The following CHD9 variants were observed in gnomAD, a reference collection of about 807,000 sequenced individuals.
CHD9 encodes ATP-dependent chromatin remodeler CHD9.
Under a neutral mutation model 316.1 loss-of-function variants are expected in CHD9, and 77 were observed. The observed-to-expected ratio is 0.24, with a 90% CI of 0.20 to 0.29. CHD9 has a LOEUF of 0.29. Ranked by LOEUF, CHD9 falls within the 10% of genes least tolerant of loss-of-function variation. The probability of loss-of-function intolerance (pLI) is 1.00; values close to 1 mark genes in which losing one functional copy is unlikely to be tolerated. For synonymous variants in CHD9, 1,129 were observed against 1,158.3 expected (o/e 0.97, Z 0.51); for missense variants, 2,763 against 3,438.1 (o/e 0.80, Z 4.91).
chr16:53,250,299 T>A, intron 17 of CHD9: 1 of 441,588 alleles, frequency 2.3e-6, no homozygotes, highest in Non-Finnish European at 4.0e-6. Context: ...TCTTACTAGC[T>A]TATAAAAAAT....
intron 1 of CHD9, among the ~76,000 whole-genome samples, chr16:53,058,805 G>A (rs558811803): frequency 6.6e-6 from 1 of 152,292 alleles, no homozygotes; most frequent in Admixed American, 6.5e-5. Context: ...TTAATCTAAT[G>A]TTGACCAGAC....
At chr16:53,105,739 G>T (rs1380980485) in intron 1 of CHD9, among the ~76,000 whole-genome samples, 1 of 152,028 alleles carries the variant, frequency 6.6e-6, no homozygotes, top group Non-Finnish European at 1.5e-5. Flanking sequence ...CTTTGATCTG[G>T]GAGTTGGTAA....
intron 34 of CHD9, 48 bp from the exon 35 acceptor site, chr16:53,314,329 T>C (rs2056718046): frequency 7.2e-7 from 1 of 1,390,734 alleles, no homozygotes; most frequent in Non-Finnish European, 9.7e-7. Context: ...TTTCAGTTTG[T>C]TTAAGAACTA....
chr16:53,061,318 GA>G (rs2032878596), intron 1 of CHD9, among the ~76,000 whole-genome samples: 2 of 152,176 alleles, frequency 1.3e-5, no homozygotes, highest in Admixed American at 6.5e-5. Flanking sequence ...GTCTTTACCT[GA>G]CCTGTGAATC....
At chr16:53,153,228 T>C (rs2041257265) in intron 1 of CHD9, among the ~76,000 whole-genome samples, 1 of 152,128 alleles carries the variant, frequency 6.6e-6, no homozygotes, top group South Asian at 2.1e-4. Flanking sequence ...TCAAGTTTGT[T>C]GTAAAGAGGA....
chr16:53,102,428 C>T (rs957013495), intron 1 of CHD9, among the ~76,000 whole-genome samples: 35 of 151,984 alleles, frequency 2.3e-4, no homozygotes, highest in African/African-American at 7.7e-4. Flanking sequence ...AACTAAAGTG[C>T]AGAGCTGTTA....
At chr16:53,107,239 C>T (rs55785957) in intron 1 of CHD9, among the ~76,000 whole-genome samples, 41,395 of 151,668 alleles carry the variant, frequency 0.27, 7,050 homozygotes, top group Non-Finnish European at 0.38. Context: ...GCGGGTGGAT[C>T]GTCTGAGGTC....
intron 24 of CHD9, among the ~76,000 whole-genome samples, chr16:53,279,180 T>TA (rs2053165376): frequency 2.0e-5 from 3 of 152,230 alleles, no homozygotes; most frequent in Middle Eastern, 3.4e-3. Flanking sequence ...TATGCAGCCA[T>TA]AAAAAATGAT....
At chr16:53,139,120 A>G (rs535260977) in intron 1 of CHD9, among the ~76,000 whole-genome samples, 1 of 151,766 alleles carries the variant, frequency 6.6e-6, no homozygotes, top group African/African-American at 2.4e-5. Flanking sequence ...AAGAAGAGAT[A>G]GATACAAAGA....
chr16:53,278,509 G>T (rs1597787703), intron 24 of CHD9, among the ~76,000 whole-genome samples: 1 of 152,158 alleles, frequency 6.6e-6, no homozygotes, highest in Non-Finnish European at 1.5e-5. Context: ...GTGGGGAAAA[G>T]ACACCCTATT....
chr16:53,209,679 C>G lies in CHD9; in HGVS notation c.1650C>G (p.Ser550Arg). Reference protein sequence around the residue: ...RGERNIPRVMSPENFPTASVE... With the variant: ...RGERNIPRVMRPENFPTASVE... ...AACGCAATATTCCACGAGTAATGAG[C>G]CCTGAAAACTTTCCTACTGCTTCAG... The change falls in exon 3 of 39, where the codon AGC (serine) becomes AGG (arginine). Residue 550 changes from serine (S) to arginine (R), a missense_variant. This residue lies in a region of CHD9 where 859 missense variants were observed against 890.4 expected (regional missense o/e 0.96). Transcript: ENST00000447540. 1 of 1,613,640 alleles carries G rather than the reference C, an allele frequency of 6.2e-7. No homozygotes were observed. The highest frequency in any genetic ancestry group is 8.5e-7 in the Non-Finnish European group (1 of 1,179,784).
At chr16:53,094,389 GCA>G (rs1567323224) in intron 1 of CHD9, among the ~76,000 whole-genome samples, 1 of 152,142 alleles carries the variant, frequency 6.6e-6, no homozygotes, top group African/African-American at 2.4e-5. Context: ...GCCAGCCACC[GCA>G]CAGAGAGACC....
intron 2 of CHD9, among the ~76,000 whole-genome samples, chr16:53,203,577 T>C (rs1360462180): frequency 2.0e-5 from 3 of 152,194 alleles, no homozygotes; most frequent in African/African-American, 7.2e-5. Context: ...CCTCCAAGCC[T>C]AAAGCCTAAG....
chr16:53,298,442 G>C (rs571961189), intron 30 of CHD9: 1 of 153,580 alleles, frequency 6.5e-6, no homozygotes, highest in Non-Finnish European at 1.4e-5. Flanking sequence ...GAGCCCAGGA[G>C]TTTGAGACAA....
At chr16:53,059,865 C>T (rs540733932) in intron 1 of CHD9, among the ~76,000 whole-genome samples, 11 of 152,278 alleles carry the variant, frequency 7.2e-5, no homozygotes, top group African/African-American at 2.4e-4. Flanking sequence ...GTCCAAGTAA[C>T]GTCGTTTCTT....
intron 1 of CHD9, among the ~76,000 whole-genome samples, chr16:53,093,886 C>G (rs1237849550): frequency 6.6e-6 from 1 of 152,148 alleles, no homozygotes; most frequent in Non-Finnish European, 1.5e-5. Flanking sequence ...GACCCACCAG[C>G]AGAAGCACAA....
intron 11 of CHD9, among the ~76,000 whole-genome samples, chr16:53,235,756 C>G (rs1431794725): frequency 6.6e-6 from 1 of 152,046 alleles, no homozygotes; most frequent in Non-Finnish European, 1.5e-5. Flanking sequence ...AATATGGGAA[C>G]CTGTAATTAA....
At position 53,296,434 on chromosome 16, in the gene CHD9, A is replaced by ATTTTT. The variant is rs35618799; in HGVS notation, c.5511-502_5511-498dup. ...GGCTGTCCTTAACTATTAAAAGTAA[A>ATTTTT]TTTTTTTTTTTTTTTTTTTTTTTTG... On this transcript the variant is annotated intron_variant, in intron 29 of 38. Coordinates refer to ENST00000447540, the MANE Select transcript of CHD9 (RefSeq NM_001308319.2). Among the ~76,000 whole-genome samples the ATTTTT allele has an allele frequency of 3.9e-3, 400 of 101,742 alleles. 5 individuals carry two copies. Among genetic ancestry groups the ATTTTT allele is most frequent in the Non-Finnish European group, 4.5e-3 (244 of 54,284 alleles). 66.7% of individuals were successfully genotyped at this position (101,742 alleles called of 152,430 possible).
rs1338684616 is a variant in CHD9 at position 53,314,994 on chromosome 16, T to C, written c.7534T>C (p.Trp2512Arg). The change falls in exon 36 of 39, where the codon TGG becomes CGG. Residue 2512 changes from tryptophan (W) to arginine (R), a missense_variant. Physicochemically the swap from Trp to Arg is moderately radical, Grantham distance 101 (BLOSUM62 -3). Coordinates refer to ENST00000447540, the MANE Select transcript of CHD9 (RefSeq NM_001308319.2). The part of the protein sequence containing the change: ...DAPKRKDLEK[W>R]LKEHPGYVED... ...ACCAAAGAGAAAGGATTTGGAAAAA[T>C]GGCTTAAGGAGCACCCGGGTTATGT... 1 of 1,613,806 alleles carries C rather than the reference T, an allele frequency of 6.2e-7. No homozygotes were observed. Among genetic ancestry groups the C allele is most frequent in the Non-Finnish European group, 8.5e-7 (1 of 1,179,824 alleles).
Sources: gnomAD v4.1 joint callset for allele counts (sites outside exome capture counted in the v4.1 genomes callset) on GRCh38, gnomAD v4.1.1 for gene constraint, gnomAD v4.1.1 regional missense constraint, MANE v1.5 for transcripts, NCBI Gene and HGNC (gene_info 2026-07-23, HGNC 2026-07-21) for gene names.